NEBL: variants seen among roughly 807,000 people sequenced by gnomAD.
NEBL encodes the protein LIM and SH3 protein 2.
A neutral mutation model predicts 140.2 loss-of-function variants in NEBL; 122 were observed. That is an observed-to-expected ratio of 0.87 (90% confidence interval 0.75 to 1.01). The LOEUF (loss-of-function observed/expected upper bound fraction) is 1.01. Ranked by LOEUF, NEBL falls within the 50% of genes least tolerant of loss-of-function variation. The probability of loss-of-function intolerance (pLI) is 0.00; values close to 1 mark genes in which losing one functional copy is unlikely to be tolerated. For missense variants in NEBL, 1,365 were observed against 1,231.3 expected, an observed-to-expected ratio of 1.11 and a Z score of -1.62; for synonymous variants, 436 against 398.9, an observed-to-expected ratio of 1.09 and a Z score of -1.11.
intron 3 of NEBL, among the ~76,000 whole-genome samples, chr10:20,981,895 T>C (rs1837060401): frequency 6.6e-6 from 1 of 152,210 alleles, no homozygotes; most frequent in African/African-American, 2.4e-5. Flanking sequence ...CTCCCTGGAC[T>C]CCTCAGGCAC....
At chr10:20,897,782 A>T (rs1181779044), upstream of NEBL, among the ~76,000 whole-genome samples, 1 of 152,230 alleles carries the variant, frequency 6.6e-6, no homozygotes, top group Non-Finnish European at 1.5e-5. Flanking sequence ...ATCCTAAAAA[A>T]TACCCACTTT....
At chr10:21,112,070 C>A (rs1161752758) in intron 2 of NEBL, among the ~76,000 whole-genome samples, 2 of 152,250 alleles carry the variant, frequency 1.3e-5, no homozygotes, top group Non-Finnish European at 2.9e-5. Flanking sequence ...GAATGGCGAT[C>A]ATTGAAAAGT....
chr10:20,964,760 C>T (rs1049343392), intron 3 of NEBL, among the ~76,000 whole-genome samples: 4 of 152,150 alleles, frequency 2.6e-5, no homozygotes, highest in South Asian at 2.1e-4. Flanking sequence ...CATGTGGCCA[C>T]TGTCCAATAA....
At chr10:20,867,918 T>C (rs1844470110) in intron 7 of NEBL, 1 of 152,074 alleles carries the variant, frequency 6.6e-6, no homozygotes, top group Non-Finnish European at 1.5e-5. Context: ...ATTGATTTAA[T>C]TTCAGTGGTT....
At position 20,835,262 on chromosome 10, in the gene NEBL, G is replaced by A. The variant is rs558031216; in HGVS notation, c.1449+251C>T. ...ATTCTGAAATAAGGTGTGCAGGGGA[G>A]TGCATGTGTGCATGTGTGTCTGTTC... On this transcript the variant is annotated intron_variant, in intron 14 of 27. Transcript: ENST00000377122. Among the ~76,000 whole-genome samples the A allele has an allele frequency of 4.6e-5, 7 of 152,308 alleles. No homozygotes were observed. The East Asian group carries it at 1.2e-3, about 25-fold the overall frequency.
intron 13 of NEBL, among the ~76,000 whole-genome samples, chr10:20,839,571 T>C (rs559966596): frequency 6.6e-6 from 1 of 152,288 alleles, no homozygotes; most frequent in East Asian, 1.9e-4. Flanking sequence ...TAAAGTGCCT[T>C]TTAAATGTTT....
intron 1 of NEBL, among the ~76,000 whole-genome samples, chr10:21,272,600 C>T (rs1416348307): frequency 6.6e-6 from 1 of 152,106 alleles, no homozygotes; most frequent in Admixed American, 6.6e-5. Context: ...TAAATAAATA[C>T]ATAAATAACA....
At chr10:20,844,573 T>C (rs1841727593) in intron 12 of NEBL, among the ~76,000 whole-genome samples, 1 of 151,534 alleles carries the variant, frequency 6.6e-6, no homozygotes, top group Non-Finnish European at 1.5e-5. Flanking sequence ...TTTAAGGTCT[T>C]AATATTAAGA....
At chr10:20,833,304 A>AG (rs1427221553) in intron 14 of NEBL, among the ~76,000 whole-genome samples, 1 of 152,208 alleles carries the variant, frequency 6.6e-6, no homozygotes, top group Non-Finnish European at 1.5e-5. Context: ...AGATATGGGA[A>AG]GGCTTGACTC....
At chr10:20,916,701 C>T (rs1196294468) in intron 4 of NEBL, among the ~76,000 whole-genome samples, 3 of 152,202 alleles carry the variant, frequency 2.0e-5, no homozygotes, top group African/African-American at 4.8e-5. Context: ...TGAGCCACCA[C>T]GCCTGGCTTG....
intron 2 of NEBL, chr10:21,113,249 A>G: frequency 3.0e-6 from 1 of 329,672 alleles, no homozygotes; most frequent in Non-Finnish European, 5.7e-6. Flanking sequence ...CATGGAAAAG[A>G]CTCAAAACCA....
chr10:20,849,241 G>A (rs530594801), intron 11 of NEBL, among the ~76,000 whole-genome samples: 28 of 152,004 alleles, frequency 1.8e-4, no homozygotes, highest in African/African-American at 5.5e-4. Flanking sequence ...AATAAGTCTC[G>A]CTGGAACAGA....
intron 2 of NEBL, among the ~76,000 whole-genome samples, chr10:21,251,591 T>C (rs1842589730): frequency 6.6e-6 from 1 of 152,212 alleles, no homozygotes; most frequent in African/African-American, 2.4e-5. Flanking sequence ...TTTGTATCTC[T>C]CTTCTCCCAA....
intron 2 of NEBL, among the ~76,000 whole-genome samples, chr10:21,119,537 A>G (rs1838431623): frequency 6.7e-6 from 1 of 150,144 alleles, no homozygotes; most frequent in Non-Finnish European, 1.5e-5. Context: ...TGAATATAAC[A>G]TATATAACAT....
At chr10:20,924,888 G>C (rs1833814755) in intron 4 of NEBL, among the ~76,000 whole-genome samples, 1 of 151,956 alleles carries the variant, frequency 6.6e-6, no homozygotes, top group African/African-American at 2.4e-5. Context: ...TGGTCCCTGA[G>C]GTTTGTAACT....
intron 2 of NEBL, among the ~76,000 whole-genome samples, chr10:21,094,647 A>T (rs12246471): frequency 0.012 from 1,762 of 151,762 alleles, 26 homozygotes; most frequent in African/African-American, 0.04. Context: ...GCCCTAATCC[A>T]CTCCAGCCTG....
chr10:21,101,895 C>A (rs1402602425), intron 2 of NEBL, among the ~76,000 whole-genome samples: 1 of 152,230 alleles, frequency 6.6e-6, no homozygotes, highest in Non-Finnish European at 1.5e-5. Flanking sequence ...AAACATCACG[C>A]TTTGACTAGC....
At chr10:20,936,973 G>A (rs1044649933) in intron 4 of NEBL, among the ~76,000 whole-genome samples, 3 of 152,102 alleles carry the variant, frequency 2.0e-5, no homozygotes, top group African/African-American at 4.8e-5. Context: ...GTATTAATCC[G>A]CATTTCAAAG....
intron 3 of NEBL, among the ~76,000 whole-genome samples, chr10:20,988,563 C>T (rs1837341519): frequency 6.6e-6 from 1 of 152,028 alleles, no homozygotes; most frequent in Non-Finnish European, 1.5e-5. Context: ...AGGACTTTGC[C>T]CCCAGAATTA....
Sources: allele counts gnomAD v4.1 joint callset (sites outside exome capture counted in the v4.1 genomes callset), GRCh38; gene constraint gnomAD v4.1.1; transcripts MANE v1.5; gene names NCBI Gene and HGNC (gene_info 2026-07-23, HGNC 2026-07-21).